The following CUBN variants were observed in gnomAD, a reference collection of about 807,000 sequenced individuals.
The protein encoded by CUBN is cubilin.
In CUBN, 282 loss-of-function variants were observed where a neutral mutation model predicts 405.3. That is an observed-to-expected ratio of 0.70 (90% CI 0.63 to 0.77). The LOEUF is 0.77. CUBN is among the 30% of genes least tolerant of loss of function. The pLI, the probability that CUBN is intolerant of heterozygous loss-of-function variation, is 0.00. For missense variants in CUBN, 4,514 were observed against 4,475.2 expected (o/e 1.01, Z -0.25); for synonymous variants, 1,684 against 1,617.0 (o/e 1.04, Z -0.99).
At chr10:16,922,847 CTTT>C (rs74700842) in intron 43 of CUBN, among the ~76,000 whole-genome samples, 1 of 140,118 alleles carries the variant, frequency 7.1e-6, no homozygotes, top group Non-Finnish European at 1.5e-5. Context: ...ATACCATGTT[CTTT>C]TTTTTTTTTT....
At chr10:16,915,306 C>T in intron 46 of CUBN, 134 bp from the exon 47 acceptor site, 6 of 1,043,880 alleles carry the variant, frequency 5.7e-6, no homozygotes, top group Non-Finnish European at 7.1e-6. Flanking sequence ...TAATCTCTGT[C>T]AAGACAACAG....
intron 59 of CUBN, among the ~76,000 whole-genome samples, chr10:16,861,378 G>A (rs1284767881): frequency 6.6e-6 from 1 of 152,014 alleles, no homozygotes; most frequent in Non-Finnish European, 1.5e-5. Flanking sequence ...GGCCAGGCTG[G>A]TCTCAAACTC....
intron 17 of CUBN, among the ~76,000 whole-genome samples, chr10:17,082,144 AT>A (rs957461925): frequency 1.1e-4 from 17 of 152,016 alleles, no homozygotes; most frequent in Middle Eastern, 3.4e-3. Flanking sequence ...CATTTGCATT[AT>A]TTTTTTTAAC....
At chr10:17,028,575 G>A (rs571326183) in intron 27 of CUBN, among the ~76,000 whole-genome samples, 56 of 151,760 alleles carry the variant, frequency 3.7e-4, no homozygotes, top group Non-Finnish European at 6.2e-4. Context: ...ACAAAAATTC[G>A]CCAGGCGTGG....
chr10:16,826,076 T>C (rs971157974), intron 66 of CUBN, among the ~76,000 whole-genome samples: 3 of 152,226 alleles, frequency 2.0e-5, no homozygotes, highest in African/African-American at 7.2e-5. Flanking sequence ...TCTCCTTTGA[T>C]TCTCCTTGTT....
intron 49 of CUBN, among the ~76,000 whole-genome samples, 164 bp from the exon 50 acceptor site, chr10:16,906,573 T>C (rs1841563151): frequency 6.6e-6 from 1 of 152,174 alleles, no homozygotes; most frequent in Non-Finnish European, 1.5e-5. Flanking sequence ...ATTATGGAAG[T>C]TTCTGCAAGT....
At chr10:17,075,639 TTAAA>T (rs1210678633) in intron 17 of CUBN, among the ~76,000 whole-genome samples, 5 of 152,016 alleles carry the variant, frequency 3.3e-5, no homozygotes, top group African/African-American at 1.2e-4. Flanking sequence ...AGTGAGGTGA[TTAAA>T]TAAATAATGA....
intron 59 of CUBN, among the ~76,000 whole-genome samples, chr10:16,861,164 C>G (rs539144638): frequency 6.7e-6 from 1 of 149,556 alleles, no homozygotes; most frequent in African/African-American, 2.5e-5. Flanking sequence ...CCAATGAATG[C>G]CTTTTTTTTT....
At chr10:16,945,872 C>T (rs1485357326) in intron 36 of CUBN, among the ~76,000 whole-genome samples, 2 of 151,166 alleles carry the variant, frequency 1.3e-5, no homozygotes, top group African/African-American at 2.4e-5. Flanking sequence ...TGTTTTAACA[C>T]AAGGCCACTT....
intron 27 of CUBN, among the ~76,000 whole-genome samples, chr10:17,031,590 A>G (rs1834789964): frequency 6.6e-6 from 1 of 152,234 alleles, no homozygotes; most frequent in African/African-American, 2.4e-5. Context: ...CTGGGTGCCT[A>G]GAAGACATTC....
Position 16,990,373 on chromosome 10 carries a change from A to G in CUBN, c.4311T>C (p.Asp1437=). 3 of 1,614,126 alleles carry G rather than the reference A, an allele frequency of 1.9e-6. No individual in the cohort carries two copies. The highest frequency in any genetic ancestry group is 2.7e-5 in the African/African-American group (2 of 75,024). ...SSIQLTIHDF[D]VEYHSRCNFD... ...AGTTGCACCTTGAATGATACTCCAC[A>G]TCGAAGTCATGGATGGTGAGCTGAA... The change falls in exon 29 of 67, where the codon GAT becomes GAC. Residue 1437 remains aspartate, a synonymous_variant. Coordinates refer to ENST00000377833, the MANE Select transcript of CUBN (RefSeq NM_001081.4).
intron 30 of CUBN, among the ~76,000 whole-genome samples, 191 bp downstream of exon 30, chr10:16,983,914 T>C (rs1294413849): frequency 6.6e-6 from 1 of 152,214 alleles, no homozygotes; most frequent in Non-Finnish European, 1.5e-5. Flanking sequence ...CTTTCACATA[T>C]GTGGTGACCC....
chr10:16,935,197 G>A (rs1842465173), intron 39 of CUBN, among the ~76,000 whole-genome samples: 1 of 151,926 alleles, frequency 6.6e-6, no homozygotes. Flanking sequence ...TTTAGGACAG[G>A]GTCTCACTGG....
chr10:16,940,738 TG>T (rs1347889460), intron 36 of CUBN, among the ~76,000 whole-genome samples: 1 of 152,190 alleles, frequency 6.6e-6, no homozygotes, highest in African/African-American at 2.4e-5. Flanking sequence ...ACGAGATACC[TG>T]GTTTGTTTAA....
chr10:17,042,246 T>C (rs2131816234), intron 26 of CUBN, among the ~76,000 whole-genome samples: 1 of 152,294 alleles, frequency 6.6e-6, no homozygotes, highest in East Asian at 1.9e-4. Flanking sequence ...ATAAAGGATT[T>C]TTAAAGAATA....
chr10:16,910,438 A>T (rs912559165), intron 48 of CUBN, among the ~76,000 whole-genome samples: 8 of 152,230 alleles, frequency 5.3e-5, no homozygotes, highest in Non-Finnish European at 8.8e-5. Flanking sequence ...GGACATTAGA[A>T]CTAAAGACTC....
At chr10:17,125,302 T>C (rs1221438653) in intron 4 of CUBN, among the ~76,000 whole-genome samples, 2 of 151,994 alleles carry the variant, frequency 1.3e-5, no homozygotes. Context: ...AAAAAAAAAT[T>C]ACGTCTGTTT....
At chr10:17,109,789 C>T in intron 9 of CUBN, 54 bp from the exon 10 acceptor site, 1 of 1,380,496 alleles carries the variant, frequency 7.2e-7, no homozygotes, top group Non-Finnish European at 1.0e-6. Flanking sequence ...GATGGGAGGA[C>T]AAAGCCTGTC....
intron 66 of CUBN, among the ~76,000 whole-genome samples, chr10:16,828,455 C>T (rs1197050261): frequency 6.6e-6 from 1 of 152,180 alleles, no homozygotes; most frequent in Non-Finnish European, 1.5e-5. Context: ...CAGTGGCTCA[C>T]GCGTGTAATC....
Sources: allele counts gnomAD v4.1 joint callset (sites outside exome capture counted in the v4.1 genomes callset), GRCh38; gene constraint gnomAD v4.1.1; transcripts MANE v1.5; gene names NCBI Gene and HGNC (gene_info 2026-07-23, HGNC 2026-07-21).